Variants in HS6ST3 observed in about 807,000 individuals in gnomAD.
The protein encoded by HS6ST3 is heparan sulfate 6-O-sulfotransferase 3.
Under a neutral mutation model 36.7 loss-of-function variants are expected in HS6ST3, and 12 were observed. The ratio of observed to expected loss-of-function variants is 0.33; its 90% confidence interval spans 0.21 to 0.53. HS6ST3 has a LOEUF of 0.53. Among genes scored for constraint, HS6ST3 ranks in the 20% least tolerant of loss-of-function variants. The pLI, the probability that HS6ST3 is intolerant of heterozygous loss-of-function variation, is 0.95. For missense variants in HS6ST3, 584 were observed against 640.9 expected (o/e 0.91, Z 0.96); for synonymous variants, 240 against 257.5 (o/e 0.93, Z 0.65).
intron 1 of HS6ST3, among the ~76,000 whole-genome samples, chr13:96,758,945 C>T (rs1470163877): frequency 6.6e-6 from 1 of 151,692 alleles, no homozygotes; most frequent in Non-Finnish European, 1.5e-5. Context: ...TCCTGAATTT[C>T]TCTATTTTTC....
intron 1 of HS6ST3, among the ~76,000 whole-genome samples, chr13:96,511,913 CT>C (rs2056051401): frequency 6.6e-6 from 1 of 152,098 alleles, no homozygotes; most frequent in African/African-American, 2.4e-5. Context: ...TTCAGTTTTA[CT>C]TTTATCCAGA....
intron 1 of HS6ST3, among the ~76,000 whole-genome samples, chr13:96,140,516 T>A (rs2054026676): frequency 6.6e-6 from 1 of 152,202 alleles, no homozygotes; most frequent in Non-Finnish European, 1.5e-5. Context: ...CTAGTGATGC[T>A]GGAAGTGGTC....
chr13:96,206,799 A>G (rs1212864666), intron 1 of HS6ST3, among the ~76,000 whole-genome samples: 1 of 152,210 alleles, frequency 6.6e-6, no homozygotes, highest in Non-Finnish European at 1.5e-5. Context: ...AACATGTACA[A>G]AAATTAATGT....
intron 1 of HS6ST3, among the ~76,000 whole-genome samples, chr13:96,494,310 G>A (rs576924284): frequency 8.2e-5 from 12 of 146,800 alleles, no homozygotes; most frequent in South Asian, 2.1e-4. Flanking sequence ...ACCAAACACC[G>A]CCTGTTCTCA....
chr13:96,410,162 A>G (rs2139461614), intron 1 of HS6ST3, among the ~76,000 whole-genome samples: 1 of 152,324 alleles, frequency 6.6e-6, no homozygotes, highest in Middle Eastern at 3.4e-3. Flanking sequence ...AAAGCAAAAG[A>G]ATCAAGATGC....
chr13:96,669,134 A>G (rs1272135300), intron 1 of HS6ST3, among the ~76,000 whole-genome samples: 1 of 152,210 alleles, frequency 6.6e-6, no homozygotes, highest in Non-Finnish European at 1.5e-5. Flanking sequence ...GTATTCAAAT[A>G]AAATAAAATA....
chr13:96,098,301 T>C (rs1358129628), intron 1 of HS6ST3, among the ~76,000 whole-genome samples: 1 of 152,182 alleles, frequency 6.6e-6, no homozygotes, highest in East Asian at 1.9e-4. Flanking sequence ...GAGAGCTATA[T>C]ATTAATATAA....
chr13:96,603,383 C>T (rs1002549773), intron 1 of HS6ST3, among the ~76,000 whole-genome samples: 2 of 152,094 alleles, frequency 1.3e-5, no homozygotes, highest in Non-Finnish European at 2.9e-5. Context: ...GTGATGTTCA[C>T]CTATGTTGTT....
intron 1 of HS6ST3, among the ~76,000 whole-genome samples, chr13:96,425,523 C>A (rs779355266): frequency 6.6e-6 from 1 of 152,098 alleles, no homozygotes; most frequent in Non-Finnish European, 1.5e-5. Context: ...TCTTGTTTTC[C>A]TGAGTTTCCT....
chr13:96,804,723 A>G (rs916424675), intron 1 of HS6ST3, among the ~76,000 whole-genome samples: 2 of 152,114 alleles, frequency 1.3e-5, no homozygotes, highest in African/African-American at 4.8e-5. Context: ...AATAAGTAGC[A>G]TGGAATGCGG....
At chr13:96,402,519 T>C (rs2055457012) in intron 1 of HS6ST3, among the ~76,000 whole-genome samples, 1 of 152,202 alleles carries the variant, frequency 6.6e-6, no homozygotes, top group African/African-American at 2.4e-5. Context: ...TCCACACCTC[T>C]ATCAAGAAAT....
At chr13:96,803,556 T>C (rs1878132580) in intron 1 of HS6ST3, among the ~76,000 whole-genome samples, 1 of 152,162 alleles carries the variant, frequency 6.6e-6, no homozygotes, top group African/African-American at 2.4e-5. Flanking sequence ...AAAATATGTT[T>C]TGTTTTGTTT....
rs76779214 is a variant in HS6ST3 at position 96,242,556 on chromosome 13, C to A, written c.707+150987C>A. 9.4e-3 allele frequency among the ~76,000 whole-genome samples: 1,431 copies of A among 152,260 alleles called. 25 individuals carry two copies. The highest frequency in any genetic ancestry group is 0.033 in the African/African-American group (1,371 of 41,544). Reference sequence around the variant, plus strand: ...AGGTCCTTACATAAGTGGAATCATACAGTATTTGTCCTTCTATGACTAGCC... The same window carrying A: ...AGGTCCTTACATAAGTGGAATCATAAAGTATTTGTCCTTCTATGACTAGCC... On this transcript the variant is annotated intron_variant, in intron 1 of 1. Coordinates refer to ENST00000376705, the MANE Select transcript of HS6ST3 (RefSeq NM_153456.4).
intron 1 of HS6ST3, among the ~76,000 whole-genome samples, chr13:96,173,579 C>T (rs2054198428): frequency 6.7e-6 from 1 of 148,366 alleles, no homozygotes; most frequent in Middle Eastern, 3.5e-3. Flanking sequence ...CAAACATTGC[C>T]TAGTGTAATC....
At chr13:96,637,896 G>T (rs571760655) in intron 1 of HS6ST3, among the ~76,000 whole-genome samples, 1 of 152,190 alleles carries the variant, frequency 6.6e-6, no homozygotes, top group African/African-American at 2.4e-5. Context: ...GTAATGAGTT[G>T]ATTCAGAGAC....
intron 1 of HS6ST3, among the ~76,000 whole-genome samples, chr13:96,317,900 A>T: frequency 6.7e-6 from 1 of 149,152 alleles, no homozygotes; most frequent in Non-Finnish European, 1.5e-5. Flanking sequence ...TGTTGGGGGG[A>T]GTTATTTTTT....
chr13:96,263,929 A>G (rs1397692333), intron 1 of HS6ST3, among the ~76,000 whole-genome samples: 2 of 152,178 alleles, frequency 1.3e-5, no homozygotes, highest in Admixed American at 6.5e-5. Context: ...ATTTGCTGCA[A>G]TGGCAGCCAC....
intron 1 of HS6ST3, among the ~76,000 whole-genome samples, chr13:96,577,487 G>A (rs1005521913): frequency 4.6e-5 from 7 of 152,176 alleles, no homozygotes; most frequent in African/African-American, 1.7e-4. Context: ...GTGTGCATGT[G>A]TCTTTATAGT....
chr13:96,265,840 T>C (rs1371072062), intron 1 of HS6ST3, among the ~76,000 whole-genome samples: 1 of 152,178 alleles, frequency 6.6e-6, no homozygotes, highest in East Asian at 1.9e-4. Flanking sequence ...TTACTCAAGA[T>C]ATAATGTAAA....
Sources: gnomAD v4.1 joint callset for allele counts (sites outside exome capture counted in the v4.1 genomes callset) on GRCh38, gnomAD v4.1.1 for gene constraint, MANE v1.5 for transcripts, NCBI Gene and HGNC (gene_info 2026-07-23, HGNC 2026-07-21) for gene names.